The following CAPN1 variants were observed in gnomAD, a reference collection of about 807,000 sequenced individuals.
CAPN1 encodes the protein calpain 1.
Under a neutral mutation model 105.2 loss-of-function variants are expected in CAPN1, and 77 were observed. The observed-to-expected ratio is 0.73, with a 90% CI of 0.61 to 0.88. The LOEUF is 0.88. CAPN1 is among the 40% of genes least tolerant of loss of function. CAPN1 has a pLI of 0.00. For missense variants in CAPN1, 833 were observed against 976.6 expected, an observed-to-expected ratio of 0.85 and a Z score of 1.96; for synonymous variants, 355 against 388.8, an observed-to-expected ratio of 0.91 and a Z score of 1.02.
chr11:65,209,687 G>A lies in CAPN1; in HGVS notation c.1795-162G>A. On this transcript the variant is annotated intron_variant, in intron 17 of 21. Coordinates refer to ENST00000279247, the MANE Select transcript of CAPN1 (RefSeq NM_005186.4). The surrounding 1 kb of genome is among the most constrained non-coding windows in gnomAD (Gnocchi z 4.1). ...CACTGCAGCCCAGCTCAGAGAATAA[G>A]GCAAGCCCGGCTGTGGGCTGACTGT... 1.4e-6 allele frequency: 1 copy of A among 728,418 alleles called. No individual in the cohort carries two copies. The highest frequency in any genetic ancestry group is 2.3e-5 in the Admixed American group (1 of 42,620). 45.1% of individuals were successfully genotyped at this position (728,418 alleles called of 1,614,324 possible).
At chr11:65,190,708 T>TTTTGTA (rs1377694415) in intron 10 of CAPN1, among the ~76,000 whole-genome samples, 2 of 114,824 alleles carry the variant, frequency 1.7e-5, no homozygotes, top group Admixed American at 1.6e-4. Flanking sequence ...TGTTGGTTTT[T>TTTTGTA]TTTGTTTTTG....
At chr11:65,202,420 G>A (rs898692772) in intron 10 of CAPN1, among the ~76,000 whole-genome samples, 8 of 151,044 alleles carry the variant, frequency 5.3e-5, no homozygotes, top group African/African-American at 1.5e-4. Flanking sequence ...AGTATATTAC[G>A]ATTTTATTTA....
rs1196283426 is a variant in CAPN1, at chr11:65,188,515, AC to A, written c.1004+29del. ...TGAGCGCCCCCTCCCCTTCTACCCC[AC>A]CTCTCCACCCCTACACATCAGCTCT... On this transcript the variant is annotated intron_variant, in intron 9 of 21. Coordinates refer to ENST00000279247, the MANE Select transcript of CAPN1 (RefSeq NM_005186.4). The surrounding 1 kb of genome is among the most constrained non-coding windows in gnomAD (Gnocchi z 5.5). The A allele has an allele frequency of 7.4e-6, 12 of 1,611,740 alleles. No homozygotes were observed. The highest frequency in any genetic ancestry group is 1.7e-4 in the Middle Eastern group (1 of 6,058).
chr11:65,204,281 C>G (rs186089285), intron 10 of CAPN1, among the ~76,000 whole-genome samples: 1 of 152,186 alleles, frequency 6.6e-6, no homozygotes, highest in African/African-American at 2.4e-5. Context: ...CTAGAGCCTC[C>G]GTAAGTGCTC....
In CAPN1 at chr11:65,210,586, C is replaced by G. The variant is rs1949033403; in HGVS notation, c.2059+134C>G. The G allele has an allele frequency of 1.4e-6, 1 of 729,096 alleles. No individual in the cohort carries two copies. The highest frequency in any genetic ancestry group is 2.4e-6 in the Non-Finnish European group (1 of 419,274). The allele number at this position is 729,096 out of a possible 1,614,324, so 45.2% of individuals were successfully genotyped here. A position where few individuals can be genotyped will look rare whatever the true frequency, so the allele number is the denominator to read the frequency against. ...GGGTGTGTGCCAGAGAGGCCTGGGT[C>G]TGGGTTTGGGGGGCCCTGGCTGAGT... On this transcript the variant is annotated intron_variant, in intron 20 of 21. Coordinates refer to ENST00000279247, the MANE Select transcript of CAPN1 (RefSeq NM_005186.4). This position sits in a 1 kb window ranked among gnomAD's most constrained non-coding sequence, Gnocchi z 4.3.
At chr11:65,199,408 G>A (rs1309582423) in intron 10 of CAPN1, among the ~76,000 whole-genome samples, 1 of 152,078 alleles carries the variant, frequency 6.6e-6, no homozygotes, top group African/African-American at 2.4e-5. Flanking sequence ...ATGATGTGTG[G>A]AGGTATGGAT....
At chr11:65,184,280 C>CGGAACCCAGGGT (rs914704805) in intron 4 of CAPN1, among the ~76,000 whole-genome samples, 2 of 152,114 alleles carry the variant, frequency 1.3e-5, no homozygotes, top group Non-Finnish European at 2.9e-5. Context: ...AGGTGGCCCT[C>CGGAACCCAGGGT]GGAACCCAGG....
chr11:65,190,012 C>A (rs894274847), intron 10 of CAPN1, among the ~76,000 whole-genome samples: 7 of 152,174 alleles, frequency 4.6e-5, no homozygotes, highest in Non-Finnish European at 8.8e-5. Context: ...TCCCCACCTG[C>A]GACAGTGGCA....
chr11:65,203,957 C>T (rs1436149452), intron 10 of CAPN1, among the ~76,000 whole-genome samples: 2 of 152,126 alleles, frequency 1.3e-5, no homozygotes, highest in South Asian at 2.1e-4. Flanking sequence ...TGCAGTTTAC[C>T]GTTCTATCCC....
At position 65,206,672 on chromosome 11, in the gene CAPN1, T is replaced by C; in HGVS notation, c.1563T>C (p.Thr521=). ...LRFFSEKSAG[T]VELDDQIQAN... is the part of the protein sequence containing the mutation. ...TCTTCTCAGAGAAGAGTGCTGGGAC[T>C]GTGTGAGTCATGGACTGGCCCCTGC... Residue 521 remains threonine, a splice_region_variant and synonymous_variant, in exon 13 of 22, where the codon ACT becomes ACC. Coordinates refer to ENST00000279247, the MANE Select transcript of CAPN1 (RefSeq NM_005186.4). 6.2e-7 allele frequency: 1 copy of C among 1,613,100 alleles called. No homozygotes were observed. The highest frequency in any genetic ancestry group is 8.5e-7 in the Non-Finnish European group (1 of 1,179,688).
rs925174031 is a variant in CAPN1 at position 65,208,369 on chromosome 11, C to T, written c.1729+107C>T. On this transcript the variant is annotated intron_variant, in intron 16 of 21. Coordinates refer to ENST00000279247, the MANE Select transcript of CAPN1 (RefSeq NM_005186.4). The surrounding 1 kb of genome is among the most constrained non-coding windows in gnomAD (Gnocchi z 4.1). ...ACCTCATCCCTTGGTCTGCATGAGTCGGGGAATCCTCCAGTTTTTCTGAGC... is the reference window on the plus strand; with the variant it reads ...ACCTCATCCCTTGGTCTGCATGAGTTGGGGAATCCTCCAGTTTTTCTGAGC... 6.7e-5 allele frequency: 73 copies of T among 1,093,054 alleles called. No individual in the cohort carries two copies. Among genetic ancestry groups the T allele is most frequent in the African/African-American group, 6.2e-5 (4 of 64,036 alleles). The allele number at this position is 1,093,054 out of a possible 1,614,324, so 67.7% of individuals were successfully genotyped here. A position where few individuals can be genotyped will look rare whatever the true frequency, so the allele number is the denominator to read the frequency against.
chr11:65,210,204 C>A lies in CAPN1; in HGVS notation c.1942+108C>A. On this transcript the variant is annotated intron_variant, in intron 19 of 21. Coordinates refer to ENST00000279247, the MANE Select transcript of CAPN1 (RefSeq NM_005186.4). This position sits in a 1 kb window ranked among gnomAD's most constrained non-coding sequence, Gnocchi z 4.3. ...GGTGCTAGTGGTGACATGGTAACAG[C>A]CATCTTGTCCTTTTCCCCACGGTTA... 8.7e-7 allele frequency: 1 copy of A among 1,155,886 alleles called. No homozygotes were observed. The highest frequency in any genetic ancestry group is 1.3e-6 in the Non-Finnish European group (1 of 774,186). 71.6% of individuals were successfully genotyped at this position (1,155,886 alleles called of 1,614,324 possible). A position where few individuals can be genotyped will look rare whatever the true frequency, so the allele number is the denominator to read the frequency against.
At chr11:65,205,760 C>G (rs773273128) in intron 12 of CAPN1, 39 bp downstream of exon 12, 2 of 1,604,210 alleles carry the variant, frequency 1.2e-6, no homozygotes, top group Non-Finnish European at 1.7e-6. Flanking sequence ...GTCACACACC[C>G]CTGATGGTGC....
At chr11:65,185,140 A>G (rs1278250439) in intron 4 of CAPN1, among the ~76,000 whole-genome samples, 1 of 152,100 alleles carries the variant, frequency 6.6e-6, no homozygotes, top group African/African-American at 2.4e-5. Context: ...GAAATGGCAT[A>G]CAAATTGATT....
chr11:65,191,667 C>T (rs999581864), intron 10 of CAPN1, among the ~76,000 whole-genome samples: 1 of 152,196 alleles, frequency 6.6e-6, no homozygotes, highest in Non-Finnish European at 1.5e-5. Flanking sequence ...TGAGCCACTG[C>T]GTCCAGCCCT....
At chr11:65,195,096 TG>T (rs376198063) in intron 10 of CAPN1, among the ~76,000 whole-genome samples, 29,817 of 133,732 alleles carry the variant, frequency 0.22, 4,247 homozygotes, top group Admixed American at 0.32. Flanking sequence ...TGAAGTTTTT[TG>T]GGGTTTTTTT....
rs368584263 is a variant in CAPN1, at chr11:65,187,176, G to T, written c.760-39G>T. 129 of 1,482,586 alleles carry T rather than the reference G, an allele frequency of 8.7e-5. No homozygotes were observed. In the African/African-American group the frequency reaches 1.4e-3, roughly 16 times the overall value. 91.8% of individuals were successfully genotyped at this position (1,482,586 alleles called of 1,614,324 possible). On this transcript the variant is annotated intron_variant, in intron 6 of 21. Coordinates refer to ENST00000279247, the MANE Select transcript of CAPN1 (RefSeq NM_005186.4). ...GGGGGCTCATCTGATAGGGCGGGGGGACCTAGCCACTGACCACAGTGTGTG... is the reference window on the plus strand; with the variant it reads ...GGGGGCTCATCTGATAGGGCGGGGGTACCTAGCCACTGACCACAGTGTGTG...
upstream of CAPN1, chr11:65,181,572 G>T: frequency 4.8e-6 from 2 of 412,978 alleles, no homozygotes; most frequent in Non-Finnish European, 9.6e-6. This position sits in a 1 kb window ranked among gnomAD's most constrained non-coding sequence, Gnocchi z 4.6. Flanking sequence ...GGGTGCGGCC[G>T]TCCGGCCCTG....
Position 65,188,889 on chromosome 11 carries a change from G to GT in CAPN1, c.1165+144dup. 1 of 740,424 alleles carries GT rather than the reference G, an allele frequency of 1.4e-6. No individual in the cohort carries two copies. The highest frequency in any genetic ancestry group is 2.2e-6 in the Non-Finnish European group (1 of 462,826). 45.9% of individuals were successfully genotyped at this position (740,424 alleles called of 1,614,324 possible). On this transcript the variant is annotated intron_variant, in intron 10 of 21. Coordinates refer to ENST00000279247, the MANE Select transcript of CAPN1 (RefSeq NM_005186.4). This position sits in a 1 kb window ranked among gnomAD's most constrained non-coding sequence, Gnocchi z 5.5. ...TGCTTTGAGGAGTAAAATATTAAAT[G>GT]TCCTAGTAAATTTTAAAGAGGCATG...
Sources: gnomAD v4.1 joint callset for allele counts (sites outside exome capture counted in the v4.1 genomes callset) on GRCh38, gnomAD v4.1.1 for gene constraint, Gnocchi (gnomAD v3.1) non-coding constraint, MANE v1.5 for transcripts, NCBI Gene and HGNC (gene_info 2026-07-23, HGNC 2026-07-21) for gene names.